The following RSRC2 variants were observed in gnomAD, a reference collection of about 807,000 sequenced individuals.
The protein encoded by RSRC2 is arginine and serine rich coiled-coil 2.
In RSRC2, 5 loss-of-function variants were observed where a neutral mutation model predicts 61.3. The ratio of observed to expected loss-of-function variants is 0.08; its 90% CI spans 0.04 to 0.17. RSRC2 has a LOEUF of 0.17. Among genes scored for constraint, RSRC2 ranks in the 10% least tolerant of loss-of-function variants. The pLI, the probability that RSRC2 is intolerant of heterozygous loss-of-function variation, is 1.00. For missense variants in RSRC2, 381 were observed against 518.8 expected (o/e 0.73, Z 2.58); for synonymous variants, 202 against 166.5 (o/e 1.21, Z -1.64).
At chr12:122,513,196 AAAATAAATAAATAAAT>A (rs58751034) in intron 6 of RSRC2, among the ~76,000 whole-genome samples, 1,343 of 129,918 alleles carry the variant, frequency 0.01, 15 homozygotes, top group African/African-American at 0.025. Context: ...CTCCGTCTCA[AAAATAAATAAATAAAT>A]AAATAAATAA....
At position 122,503,495 on chromosome 12, in the gene RSRC2, T is replaced by C. The variant is rs986331585; in HGVS notation, c.*2032A>G. ...TTTTATTGGACAGTGCTGCTCTAGA[T>C]GAGCAAAGTACAGGCTGTATCACTC... On this transcript the variant is annotated 3_prime_UTR_variant, in exon 10 of 10. Coordinates refer to ENST00000331738, the MANE Select transcript of RSRC2 (RefSeq NM_023012.6). 6.6e-6 allele frequency: 1 copy of C among 152,204 alleles called. No homozygotes were observed. The highest frequency in any genetic ancestry group is 2.4e-5 in the African/African-American group (1 of 41,452). The allele number at this position is 152,204 out of a possible 1,614,324, so 9.4% of individuals were successfully genotyped here.
intron 6 of RSRC2, chr12:122,514,849 G>T: frequency 1.5e-6 from 1 of 685,928 alleles, no homozygotes; most frequent in Non-Finnish European, 2.1e-6. Context: ...GAAAATATTT[G>T]GGAGTCTAAA....
intron 2 of RSRC2, 93 bp from the exon 3 acceptor site, chr12:122,521,521 A>G: frequency 9.5e-7 from 1 of 1,056,096 alleles, no homozygotes; most frequent in Non-Finnish European, 1.5e-6. Context: ...AATGACTCCC[A>G]TTAGTCTTCT....
Position 122,505,395 on chromosome 12 carries a change from AATTT to A in RSRC2, c.*128_*131del. The A allele has an allele frequency of 1.3e-6, 1 of 795,056 alleles. No homozygotes were observed. The highest frequency in any genetic ancestry group is 1.9e-6 in the Non-Finnish European group (1 of 513,380). The allele number at this position is 795,056 out of a possible 1,614,324, so 49.3% of individuals were successfully genotyped here. A position where few individuals can be genotyped will look rare whatever the true frequency, so the allele number is the denominator to read the frequency against. On this transcript the variant is annotated 3_prime_UTR_variant, in exon 10 of 10. Transcript: ENST00000331738. ...GTATCACTGATCTGATATTTACAAA[AATTT>A]GTATTTTTCAATAAATTAAAGTCAA...
intron 7 of RSRC2, among the ~76,000 whole-genome samples, chr12:122,509,863 G>A (rs1027700776): frequency 1.3e-5 from 2 of 152,088 alleles, no homozygotes; most frequent in Non-Finnish European, 2.9e-5. Flanking sequence ...TCGTGAGACA[G>A]GGTCTCACTC....
intron 5 of RSRC2, among the ~76,000 whole-genome samples, chr12:122,515,876 C>G (rs575332938): frequency 1.3e-4 from 20 of 152,190 alleles, no homozygotes; most frequent in African/African-American, 4.1e-4. Context: ...GTAATCCCAG[C>G]TACTCGGGAG....
rs761762635 is a variant in RSRC2 at position 122,522,261 on chromosome 12, C to T, written c.45G>A (p.Lys15=). The T allele has an allele frequency of 6.2e-7, 1 of 1,613,484 alleles. No homozygotes were observed. The highest frequency in any genetic ancestry group is 8.5e-7 in the Non-Finnish European group (1 of 1,179,840). Residue 15 remains lysine (K), a synonymous_variant, in exon 2 of 10, where the codon AAG becomes AAA. Coordinates refer to ENST00000331738, the MANE Select transcript of RSRC2 (RefSeq NM_023012.6). ...DTERDGLAPE[K]TSPDRDKKKE... ...TTTTCTTATCTCTATCTGGTGATGT[C>T]TTTTCTGGGGCTAGTCCATCTCGCT...
At position 122,517,274 on chromosome 12, in the gene RSRC2, T is replaced by C; in HGVS notation, c.555A>G (p.Arg185=). ...RIRSRSRSRS[R]HRHRTRSRSR... is the part of the protein sequence containing the mutation. The stretch of plus-strand genomic sequence containing the variant: ...TCCTGCTTCTAGTCCTATGCCTGTG[T>C]CTTGATCTTGAGCGGGAACGAGACC... The change falls in exon 5 of 10, where the codon AGA becomes AGG. Residue 185 remains arginine, a synonymous_variant. Transcript: ENST00000331738. 6.2e-7 allele frequency: 1 copy of C among 1,614,156 alleles called. No individual in the cohort carries two copies. The highest frequency in any genetic ancestry group is 8.5e-7 in the Non-Finnish European group (1 of 1,180,042).
intron 7 of RSRC2, among the ~76,000 whole-genome samples, chr12:122,510,245 T>C (rs1489978852): frequency 6.6e-6 from 1 of 152,016 alleles, no homozygotes; most frequent in African/African-American, 2.4e-5. Flanking sequence ...GTAAAAGACA[T>C]CTGGGGCCGG....
intron 2 of RSRC2, among the ~76,000 whole-genome samples, chr12:122,521,917 C>T (rs776250666): frequency 6.6e-5 from 10 of 152,202 alleles, no homozygotes; most frequent in Non-Finnish European, 1.5e-4. Context: ...AGAAGAACTG[C>T]CTGAACCCAG....
In RSRC2 at chr12:122,509,060, T is replaced by C. The variant is rs537177591; in HGVS notation, c.806-613A>G. On this transcript the variant is annotated intron_variant, in intron 7 of 9. Transcript: ENST00000331738. ...GATGAACTATAGTGTTTCTAAGGTA[T>C]AATTACAAAACAATAAAACCTTGTA... 1.2e-4 allele frequency among the ~76,000 whole-genome samples: 18 copies of C among 152,280 alleles called. No individual in the cohort carries two copies. In the Middle Eastern group the frequency reaches 0.01, roughly 86 times the overall value.
At chr12:122,520,686 G>A in intron 3 of RSRC2, 3 of 683,078 alleles carry the variant, frequency 4.4e-6, no homozygotes, top group Non-Finnish European at 4.6e-6. Flanking sequence ...TCCATTACGG[G>A]AAGAGGTGAA....
rs554238720 is a variant in RSRC2 at position 122,505,204 on chromosome 12, G to A, written c.*323C>T. ...TAACTGTACAAGGTTAAGTACAAAAGTACACAAGACAGCGGACACGAAAAA... is the reference window on the plus strand; with the variant it reads ...TAACTGTACAAGGTTAAGTACAAAAATACACAAGACAGCGGACACGAAAAA... On this transcript the variant is annotated 3_prime_UTR_variant, in exon 10 of 10. Coordinates refer to ENST00000331738, the MANE Select transcript of RSRC2 (RefSeq NM_023012.6). 2 of 217,624 alleles carry A rather than the reference G, an allele frequency of 9.2e-6. No homozygotes were observed. The highest frequency in any genetic ancestry group is 2.0e-4 in the East Asian group (2 of 9,842). 13.5% of individuals were successfully genotyped at this position (217,624 alleles called of 1,614,324 possible). A position where few individuals can be genotyped will look rare whatever the true frequency, so the allele number is the denominator to read the frequency against.
At chr12:122,509,843 T>A (rs7974085) in intron 7 of RSRC2, among the ~76,000 whole-genome samples, 6,500 of 152,216 alleles carry the variant, frequency 0.043, 470 homozygotes, top group African/African-American at 0.15. Context: ...TGTTTTTGTT[T>A]TTTTCTTTTT....
chr12:122,510,122 T>A (rs973935655), intron 7 of RSRC2, among the ~76,000 whole-genome samples: 4 of 152,130 alleles, frequency 2.6e-5, no homozygotes, highest in African/African-American at 9.7e-5. Context: ...GAGCCAGGCC[T>A]GATAATTTTT....
intron 3 of RSRC2, chr12:122,520,629 T>C (rs1393512199): frequency 2.4e-6 from 3 of 1,269,010 alleles, no homozygotes; most frequent in Non-Finnish European, 3.2e-6. Flanking sequence ...CTAAACAAAA[T>C]AGTCATTTTC....
intron 2 of RSRC2, 75 bp downstream of exon 2, chr12:122,522,068 T>C (rs1959279312): frequency 1.4e-6 from 2 of 1,417,302 alleles, no homozygotes; most frequent in African/African-American, 1.4e-5. Context: ...ACTAAATGTA[T>C]GTGTCTTCTT....
Position 122,517,263 on chromosome 12 carries a change from C to A in RSRC2, c.566G>T (p.Arg189Met). ...RSRSRSRHRH[R>M]TRSRSRTRSR... Reference sequence around the variant, plus strand: ...CCTTGTCCTACTCCTGCTTCTAGTCCTATGCCTGTGTCTTGATCTTGAGCG... The same window carrying A: ...CCTTGTCCTACTCCTGCTTCTAGTCATATGCCTGTGTCTTGATCTTGAGCG... Residue 189 changes from arginine (R) to methionine (M), a missense_variant, in exon 5 of 10, where the codon AGG becomes ATG. Around this residue, in one of 4 missense-constraint regions of RSRC2, gnomAD observed 266 missense variants for 270.5 expected, o/e 0.98. Coordinates refer to ENST00000331738, the MANE Select transcript of RSRC2 (RefSeq NM_023012.6). The A allele has an allele frequency of 6.2e-7, 1 of 1,614,100 alleles. No individual in the cohort carries two copies. Among genetic ancestry groups the A allele is most frequent in the African/African-American group, 1.3e-5 (1 of 75,008 alleles).
chr12:122,507,589 T>C (rs1441574231), intron 8 of RSRC2, among the ~76,000 whole-genome samples: 1 of 152,166 alleles, frequency 6.6e-6, no homozygotes. Context: ...TAATATTAGT[T>C]TTCTTTGAAA....
Sources: allele counts gnomAD v4.1 joint callset (sites outside exome capture counted in the v4.1 genomes callset), GRCh38; gene constraint gnomAD v4.1.1; regional missense constraint gnomAD v4.1.1; transcripts MANE v1.5; gene names NCBI Gene and HGNC (gene_info 2026-07-23, HGNC 2026-07-21).